The following PDE8A variants were observed in gnomAD, a reference collection of about 807,000 sequenced individuals.
PDE8A encodes the protein high affinity cAMP-specific and IBMX-insensitive 3',5'-cyclic phosphodiesterase 8A.
Under a neutral mutation model 105.0 loss-of-function variants are expected in PDE8A, and 59 were observed. That is an observed-to-expected ratio of 0.56 (90% CI 0.46 to 0.70). PDE8A has a LOEUF of 0.70. Among genes scored for constraint, PDE8A ranks in the 30% least tolerant of loss-of-function variants. PDE8A has a pLI of 0.00. For missense variants in PDE8A, 1,014 were observed against 1,045.9 expected (o/e 0.97, Z 0.42); for synonymous variants, 355 against 371.9 (o/e 0.95, Z 0.52).
intron 1 of PDE8A, among the ~76,000 whole-genome samples, chr15:85,052,747 T>C (rs1158465374): frequency 1.1e-4 from 16 of 152,154 alleles, no homozygotes; most frequent in African/African-American, 3.9e-4. Context: ...GGGTAGATTG[T>C]AAAAATTTTC....
chr15:85,118,380 CT>C (rs1168447581), intron 17 of PDE8A, among the ~76,000 whole-genome samples: 1 of 152,134 alleles, frequency 6.6e-6, no homozygotes, highest in African/African-American at 2.4e-5. Flanking sequence ...CTGACCTTGC[CT>C]CCTGTCACAC....
intron 11 of PDE8A, among the ~76,000 whole-genome samples, chr15:85,103,843 C>T (rs541829085): frequency 6.6e-6 from 1 of 152,158 alleles, no homozygotes; most frequent in Non-Finnish European, 1.5e-5. Context: ...CACCTCGCTT[C>T]CTTACCTCAC....
rs576707612 is a variant in PDE8A, at chr15:85,013,323, A to G, written c.186+30975A>G. On this transcript the variant is annotated intron_variant, in intron 1 of 21. Coordinates refer to ENST00000394553, the MANE Select transcript of PDE8A (RefSeq NM_002605.3). ...CTGCCTCTACCACTGTGCACTTTTA[A>G]CAAGTTATTATCTTCTCTGAGCATC... Among the ~76,000 whole-genome samples, 174 of 152,298 alleles carry G rather than the reference A, an allele frequency of 1.1e-3. 3 individuals are homozygous for G. The highest frequency in any genetic ancestry group is 4.0e-3 in the African/African-American group (166 of 41,548).
At position 84,995,697 on chromosome 15, in the gene PDE8A, T is replaced by C. The variant is rs927243438; in HGVS notation, c.186+13349T>C. ...CATCTATGTTTCATGTCTCAGTAGTTCATAATATTACACGATTAACTTTTA... is the reference window on the plus strand; with the variant it reads ...CATCTATGTTTCATGTCTCAGTAGTCCATAATATTACACGATTAACTTTTA... On this transcript the variant is annotated intron_variant, in intron 1 of 21. Transcript: ENST00000394553. 1.1e-4 allele frequency among the ~76,000 whole-genome samples: 16 copies of C among 152,340 alleles called. No homozygotes were observed. In the East Asian group the frequency reaches 2.9e-3, roughly 28 times the overall value.
rs2082117776 is a variant in PDE8A at position 85,117,686 on chromosome 15, CTG to C, written c.1584_1585del (p.Cys528Ter). The C allele has an allele frequency of 6.2e-7, 1 of 1,614,168 alleles. No individual in the cohort carries two copies. Among genetic ancestry groups the C allele is most frequent in the South Asian group, 1.1e-5 (1 of 91,090 alleles). ...TCAAAATGTTTGCTCGCTTTGGAAT[CTG>C]TGAATTCTTACACTGCTCCGAGTCA... ...GLKMFARFGI[C>X]EFLHCSESTL... On this transcript the variant is annotated frameshift_variant, in exon 17 of 22. Coordinates refer to ENST00000394553, the MANE Select transcript of PDE8A (RefSeq NM_002605.3). LOFTEE classifies it high-confidence loss of function.
At chr15:85,036,373 AC>A (rs1460553859) in intron 1 of PDE8A, among the ~76,000 whole-genome samples, 5 of 152,132 alleles carry the variant, frequency 3.3e-5, no homozygotes, top group African/African-American at 1.2e-4. Flanking sequence ...AACAGGAAAC[AC>A]CCCAGTAGTT....
Position 85,115,440 on chromosome 15 carries a change from A to G in PDE8A, c.1352A>G (p.Asp451Gly). 6.5e-7 allele frequency: 1 copy of G among 1,540,228 alleles called. No individual in the cohort carries two copies. The highest frequency in any genetic ancestry group is 1.2e-5 in the South Asian group (1 of 81,082). Residue 451 changes from aspartate to glycine, a missense_variant and splice_region_variant, in exon 15 of 22, where the codon GAT becomes GGT. By Grantham distance (94) the Asp-to-Gly change is moderately conservative. Coordinates refer to ENST00000394553, the MANE Select transcript of PDE8A (RefSeq NM_002605.3). ...ANDLVGGLMS[D>G]GLRRLSGNEY... ...TCTTGTTTCCTTGATTTTTATCAGGATGGTTTGCGAAGACTATCAGGGAAT... is the reference window on the plus strand; with the variant it reads ...TCTTGTTTCCTTGATTTTTATCAGGGTGGTTTGCGAAGACTATCAGGGAAT...
chr15:85,008,779 G>A (rs1416356646), intron 1 of PDE8A, among the ~76,000 whole-genome samples: 1 of 151,972 alleles, frequency 6.6e-6, no homozygotes, highest in Non-Finnish European at 1.5e-5. Context: ...ATTCCACCTT[G>A]CCCCTGTCTG....
chr15:85,121,875 A>G (rs902339485), intron 18 of PDE8A, among the ~76,000 whole-genome samples: 5 of 152,224 alleles, frequency 3.3e-5, no homozygotes, highest in Non-Finnish European at 4.4e-5. Flanking sequence ...GGAATCATAC[A>G]CAATATGTGA....
rs371647594 is a variant in PDE8A, at chr15:85,022,353, T to C, written c.186+40005T>C. ...CTCACCCATGCTGGACGGGGCACCC[T>C]GCCTCTGCCTGTCTGCTCTTCTCTA... On this transcript the variant is annotated intron_variant, in intron 1 of 21. Coordinates refer to ENST00000394553, the MANE Select transcript of PDE8A (RefSeq NM_002605.3). 4.6e-5 allele frequency among the ~76,000 whole-genome samples: 7 copies of C among 151,882 alleles called. No individual in the cohort carries two copies. In the East Asian group the frequency reaches 9.7e-4, roughly 21 times the overall value.
intron 1 of PDE8A, among the ~76,000 whole-genome samples, chr15:84,988,021 C>A (rs2079831209): frequency 6.6e-6 from 1 of 152,148 alleles, no homozygotes; most frequent in Admixed American, 6.5e-5. Context: ...GCAAACTATT[C>A]ATATTAATAA....
chr15:85,047,461 G>T (rs1409210593), intron 1 of PDE8A, among the ~76,000 whole-genome samples: 1 of 152,190 alleles, frequency 6.6e-6, no homozygotes. Context: ...GGTCCTGAGA[G>T]CCGGATATAC....
chr15:85,054,722 T>A (rs1176960225), intron 1 of PDE8A, among the ~76,000 whole-genome samples: 1 of 152,250 alleles, frequency 6.6e-6, no homozygotes, highest in Non-Finnish European at 1.5e-5. Flanking sequence ...TTAGTCTTGC[T>A]AGCGGTCTGT....
chr15:85,104,828 A>C (rs902991298), intron 11 of PDE8A, among the ~76,000 whole-genome samples: 1 of 152,182 alleles, frequency 6.6e-6, no homozygotes, highest in Admixed American at 6.5e-5. Context: ...AAGACTGAGT[A>C]CCAAGAAAGG....
At chr15:85,061,756 T>C (rs1218336258) in intron 1 of PDE8A, among the ~76,000 whole-genome samples, 1 of 152,140 alleles carries the variant, frequency 6.6e-6, no homozygotes, top group African/African-American at 2.4e-5. Flanking sequence ...ATGGTGTCCT[T>C]CAGGCACTGT....
chr15:85,038,850 G>A (rs1025338522), intron 1 of PDE8A, among the ~76,000 whole-genome samples: 7 of 152,118 alleles, frequency 4.6e-5, no homozygotes, highest in African/African-American at 1.4e-4. Context: ...GGCTGAGGCC[G>A]GTGGCTCACA....
At chr15:85,115,895 G>A in intron 15 of PDE8A, 89 bp from the exon 16 acceptor site, 2 of 1,177,514 alleles carry the variant, frequency 1.7e-6, no homozygotes, top group Admixed American at 2.0e-5. Flanking sequence ...ACTCCAGCCT[G>A]GGCAACAGAG....
At chr15:85,108,509 G>A (rs1016209882) in intron 11 of PDE8A, among the ~76,000 whole-genome samples, 8 of 152,134 alleles carry the variant, frequency 5.3e-5, no homozygotes, top group Non-Finnish European at 1.2e-4. Context: ...GACAGTCCCC[G>A]TTTGAAGCCT....
chr15:85,027,465 C>T (rs1157195958), intron 1 of PDE8A, among the ~76,000 whole-genome samples: 4 of 152,160 alleles, frequency 2.6e-5, no homozygotes, highest in African/African-American at 7.2e-5. Flanking sequence ...AAAGGAAATA[C>T]TGAGATTGGG....
Sources: gnomAD v4.1 joint callset for allele counts (sites outside exome capture counted in the v4.1 genomes callset) on GRCh38, gnomAD v4.1.1 for gene constraint, MANE v1.5 for transcripts, NCBI Gene and HGNC (gene_info 2026-07-23, HGNC 2026-07-21) for gene names.